Variants in METTL24 observed in about 807,000 individuals in gnomAD.
METTL24 encodes probable methyltransferase-like protein 24.
Under a neutral mutation model 32.7 loss-of-function variants are expected in METTL24, and 29 were observed. The ratio of observed to expected loss-of-function variants is 0.89; its 90% CI spans 0.66 to 1.21. METTL24 has a LOEUF of 1.21. Ranked by LOEUF, METTL24 falls within the 50% of genes most tolerant of loss-of-function variation. The pLI, the probability that METTL24 is intolerant of heterozygous loss-of-function variation, is 0.00. For synonymous variants in METTL24, 163 were observed against 179.5 expected (o/e 0.91, Z 0.73); for missense variants, 439 against 468.1 (o/e 0.94, Z 0.57).
At chr6:110,258,870 G>A (rs1171730999) in intron 4 of METTL24, among the ~76,000 whole-genome samples, 1 of 151,704 alleles carries the variant, frequency 6.6e-6, no homozygotes, top group African/African-American at 2.4e-5. Flanking sequence ...TTTGAGGCAA[G>A]TCTGCAACTC....
At chr6:110,247,030 A>C (rs1430655076) in intron 4 of METTL24, among the ~76,000 whole-genome samples, 1 of 152,054 alleles carries the variant, frequency 6.6e-6, no homozygotes, top group Non-Finnish European at 1.5e-5. Context: ...AGAATAAAGG[A>C]AGAAGAGGAT....
chr6:110,267,793 G>A (rs548327679), intron 4 of METTL24, among the ~76,000 whole-genome samples: 3 of 152,270 alleles, frequency 2.0e-5, no homozygotes, highest in Admixed American at 6.5e-5. Context: ...GCTTCTGTGA[G>A]GGCTGCAGGA....
At chr6:110,316,927 A>G (rs533510506) in intron 2 of METTL24, among the ~76,000 whole-genome samples, 111 of 152,290 alleles carry the variant, frequency 7.3e-4, no homozygotes, top group Non-Finnish European at 1.4e-3. Flanking sequence ...GAAAAGAAAA[A>G]AAAGATATTC....
intron 4 of METTL24, among the ~76,000 whole-genome samples, chr6:110,266,513 A>G (rs1770860603): frequency 6.6e-6 from 1 of 152,034 alleles, no homozygotes; most frequent in African/African-American, 2.4e-5. Flanking sequence ...TAGATTCCCT[A>G]CATCCTTCCC....
chr6:110,350,027 T>C (rs554272502), intron 1 of METTL24, among the ~76,000 whole-genome samples: 2 of 152,368 alleles, frequency 1.3e-5, no homozygotes, highest in Non-Finnish European at 2.9e-5. Context: ...TCGTGCCACC[T>C]GCTTTGCATC....
chr6:110,299,779 T>C (rs930765618), intron 3 of METTL24, among the ~76,000 whole-genome samples: 4 of 152,208 alleles, frequency 2.6e-5, no homozygotes, highest in Admixed American at 6.5e-5. Flanking sequence ...AAGTACTCAA[T>C]AGGTAGCACA....
intron 2 of METTL24, 86 bp downstream of exon 2, chr6:110,322,688 G>A: frequency 1.7e-6 from 2 of 1,146,880 alleles, no homozygotes; most frequent in South Asian, 1.4e-5. Context: ...AGGAGTCGCT[G>A]AGAACCTCCC....
chr6:110,346,651 T>C lies in METTL24; in HGVS notation c.318+11304A>G, dbSNP rs991695717. On this transcript the variant is annotated intron_variant, in intron 1 of 4. Coordinates refer to ENST00000338882, the MANE Select transcript of METTL24 (RefSeq NM_001123364.3). ...TCCCAAGTAGCTGGGATTACAGGCA[T>C]GTGCCATCACGCCCAGCTAATTTTT... Among the ~76,000 whole-genome samples the C allele has an allele frequency of 2.6e-5, 4 of 152,138 alleles. No homozygotes were observed. The East Asian group carries it at 7.7e-4, about 29-fold the overall frequency.
At chr6:110,310,982 T>C (rs149163151) in intron 3 of METTL24, among the ~76,000 whole-genome samples, 373 of 152,328 alleles carry the variant, frequency 2.4e-3, no homozygotes, top group African/African-American at 8.7e-3. Context: ...GTTGCTGCTG[T>C]GGCCCTGGGA....
intron 1 of METTL24, among the ~76,000 whole-genome samples, chr6:110,345,385 A>G (rs2114775131): frequency 6.6e-6 from 1 of 152,370 alleles, no homozygotes; most frequent in East Asian, 1.9e-4. Flanking sequence ...TCAAAGAGCT[A>G]AAAGCAGAAC....
chr6:110,346,316 C>G (rs188487983), intron 1 of METTL24, among the ~76,000 whole-genome samples: 3 of 152,258 alleles, frequency 2.0e-5, no homozygotes, highest in African/African-American at 7.2e-5. Context: ...GTGAGTAAGA[C>G]AGATGAGCTC....
chr6:110,314,399 C>T (rs7748982), intron 3 of METTL24, among the ~76,000 whole-genome samples: 42,686 of 151,938 alleles, frequency 0.28, 10,870 homozygotes, highest in African/African-American at 0.68. Flanking sequence ...AATACGGGTA[C>T]ATTTGGTGAA....
At chr6:110,304,467 G>A (rs1157726626) in intron 3 of METTL24, among the ~76,000 whole-genome samples, 3 of 152,102 alleles carry the variant, frequency 2.0e-5, no homozygotes, top group Non-Finnish European at 4.4e-5. Context: ...GTTTAGAGAA[G>A]AACATGAATA....
At chr6:110,306,155 G>C (rs1351732750) in intron 3 of METTL24, among the ~76,000 whole-genome samples, 1 of 151,806 alleles carries the variant, frequency 6.6e-6, no homozygotes, top group Non-Finnish European at 1.5e-5. Context: ...AGGGCCTGTT[G>C]GGGGGTGGGG....
At chr6:110,276,447 T>C (rs756412492) in intron 4 of METTL24, among the ~76,000 whole-genome samples, 1 of 152,122 alleles carries the variant, frequency 6.6e-6, no homozygotes, top group African/African-American at 2.4e-5. Flanking sequence ...TGAGGCTGTG[T>C]CTTAAAAACA....
chr6:110,280,490 T>C (rs1167784862), intron 4 of METTL24, among the ~76,000 whole-genome samples: 3 of 152,144 alleles, frequency 2.0e-5, no homozygotes, highest in Non-Finnish European at 4.4e-5. Flanking sequence ...ACAAACAATG[T>C]TGCAATATAT....
At chr6:110,264,764 C>G (rs553639432) in intron 4 of METTL24, among the ~76,000 whole-genome samples, 1 of 152,138 alleles carries the variant, frequency 6.6e-6, no homozygotes, top group African/African-American at 2.4e-5. Context: ...AAATGTAGCA[C>G]ATATACACCA....
chr6:110,252,782 T>A (rs1778305829), intron 4 of METTL24, among the ~76,000 whole-genome samples: 1 of 152,186 alleles, frequency 6.6e-6, no homozygotes, highest in Non-Finnish European at 1.5e-5. Context: ...CCATCTAACA[T>A]GATTTTCTGC....
intron 4 of METTL24, among the ~76,000 whole-genome samples, chr6:110,253,149 G>A (rs1190708966): frequency 1.3e-5 from 2 of 152,166 alleles, no homozygotes; most frequent in Non-Finnish European, 2.9e-5. Context: ...GTGTCTGACT[G>A]CCCCGAGGCG....
Sources: gnomAD v4.1 joint callset for allele counts (sites outside exome capture counted in the v4.1 genomes callset) on GRCh38, gnomAD v4.1.1 for gene constraint, MANE v1.5 for transcripts, NCBI Gene and HGNC (gene_info 2026-07-23, HGNC 2026-07-21) for gene names.